ANK1: variants seen among roughly 807,000 people sequenced by gnomAD.
ANK1 encodes ankyrin 1.
In ANK1, 51 loss-of-function variants were observed where a neutral mutation model predicts 210.4. That is an observed-to-expected ratio of 0.24 (90% CI 0.19 to 0.31). The LOEUF is 0.31. Among genes scored for constraint, ANK1 ranks in the 10% least tolerant of loss-of-function variants. The pLI, the probability that ANK1 is intolerant of heterozygous loss-of-function variation, is 1.00. For missense variants in ANK1, 2,051 were observed against 2,504.4 expected (o/e 0.82, Z 3.86); for synonymous variants, 967 against 1,025.9 (o/e 0.94, Z 1.10).
intron 1 of ANK1, among the ~76,000 whole-genome samples, chr8:41,858,572 G>A (rs11989464): frequency 3.4e-4 from 52 of 152,290 alleles, no homozygotes; most frequent in African/African-American, 1.1e-3. Flanking sequence ...GGAACTGCTC[G>A]GACGTGAGCA....
intron 1 of ANK1, among the ~76,000 whole-genome samples, chr8:41,851,102 AT>A (rs1811150496): frequency 6.6e-6 from 1 of 152,202 alleles, no homozygotes; most frequent in Non-Finnish European, 1.5e-5. Context: ...TGACAGTAAG[AT>A]GCCTCCCTAT....
chr8:41,655,281 T>C lies in ANK1; in HGVS notation c.*509A>G. 1 of 171,818 alleles carries C rather than the reference T, an allele frequency of 5.8e-6. No homozygotes were observed. Among genetic ancestry groups the C allele is most frequent in the East Asian group, 1.6e-4 (1 of 6,300 alleles). 10.6% of individuals were successfully genotyped at this position (171,818 alleles called of 1,614,324 possible). ...AGGACATGGCTTAAGATTAAGGTGT[T>C]AAACTGATTTCATGCCTAGTTTTCT... On this transcript the variant is annotated 3_prime_UTR_variant, in exon 43 of 43. Transcript: ENST00000289734.
At chr8:41,751,040 A>G (rs1837584862) in intron 2 of ANK1, among the ~76,000 whole-genome samples, 1 of 152,172 alleles carries the variant, frequency 6.6e-6, no homozygotes, top group Non-Finnish European at 1.5e-5. Flanking sequence ...CAATTGTAGG[A>G]ATTCAGGGGA....
At chr8:41,858,040 C>A (rs1812543974) in intron 1 of ANK1, among the ~76,000 whole-genome samples, 1 of 152,148 alleles carries the variant, frequency 6.6e-6, no homozygotes, top group African/African-American at 2.4e-5. Flanking sequence ...CCATCCTGGA[C>A]AACATAGCAA....
At chr8:41,728,403 A>G (rs1197516197) in intron 3 of ANK1, among the ~76,000 whole-genome samples, 3 of 152,336 alleles carry the variant, frequency 2.0e-5, no homozygotes, top group Admixed American at 6.5e-5. Context: ...GTGGAGAGAC[A>G]CTGAAGACTC....
At chr8:41,779,953 A>G (rs936611803) in intron 1 of ANK1, among the ~76,000 whole-genome samples, 1 of 152,222 alleles carries the variant, frequency 6.6e-6, no homozygotes, top group African/African-American at 2.4e-5. Flanking sequence ...CTGGCTGGGA[A>G]AGCCATGAGA....
chr8:41,811,971 C>T (rs1802564866), intron 1 of ANK1, among the ~76,000 whole-genome samples: 1 of 152,154 alleles, frequency 6.6e-6, no homozygotes, highest in Admixed American at 6.5e-5. Flanking sequence ...GATCCAGCTC[C>T]CTGAGAGTTA....
chr8:41,699,601 C>CT (rs879826583), intron 22 of ANK1, 53 bp from the exon 23 acceptor site: 71 of 1,563,078 alleles, frequency 4.5e-5, no homozygotes, highest in African/African-American at 9.5e-5. Flanking sequence ...AAGAGTCCCT[C>CT]TTTTTTTAAA....
chr8:41,841,385 G>A (rs1436588379), intron 1 of ANK1, among the ~76,000 whole-genome samples: 1 of 152,158 alleles, frequency 6.6e-6, no homozygotes, highest in South Asian at 2.1e-4. Flanking sequence ...GCTGAGTGAG[G>A]GAGAGCTGGG....
chr8:41,699,345 A>G (rs1822012356), intron 23 of ANK1, 107 bp downstream of exon 23: 2 of 1,045,690 alleles, frequency 1.9e-6, no homozygotes, highest in Admixed American at 1.7e-5. Context: ...GCGGGCAGCG[A>G]GCCCAGCGCC....
At chr8:41,849,516 A>C (rs1298670045) in intron 1 of ANK1, among the ~76,000 whole-genome samples, 1 of 36,412 alleles carries the variant, frequency 2.7e-5, no homozygotes, top group Non-Finnish European at 5.5e-5. Context: ...AGAGCGAGAC[A>C]ATGTCCCAAA....
intron 3 of ANK1, among the ~76,000 whole-genome samples, chr8:41,728,246 A>G (rs899350345): frequency 6.6e-6 from 1 of 152,250 alleles, no homozygotes; most frequent in Non-Finnish European, 1.5e-5. Context: ...GCCATAAAAA[A>G]GAAGGAAATC....
At chr8:41,766,798 G>A (rs1841889164) in intron 1 of ANK1, among the ~76,000 whole-genome samples, 1 of 152,232 alleles carries the variant, frequency 6.6e-6, no homozygotes, top group Non-Finnish European at 1.5e-5. Context: ...GCTTGCCAGG[G>A]CGCCCAACAG....
intron 1 of ANK1, among the ~76,000 whole-genome samples, chr8:41,878,117 A>G (rs935207863): frequency 6.6e-6 from 1 of 152,238 alleles, no homozygotes; most frequent in Non-Finnish European, 1.5e-5. Flanking sequence ...TCTCAAACCC[A>G]TTATGCGACT....
intron 1 of ANK1, among the ~76,000 whole-genome samples, chr8:41,853,559 A>C (rs1811643436): frequency 6.6e-6 from 1 of 152,124 alleles, no homozygotes; most frequent in Non-Finnish European, 1.5e-5. Context: ...CCTTTTAAAA[A>C]TCAAATTTAT....
rs1042404162 is a variant in ANK1, at chr8:41,847,715, G to A, written c.126+48640C>T. On this transcript the variant is annotated intron_variant, in intron 1 of 42. Coordinates refer to the ANK1 transcript ENST00000265709. ...GTGCAAAATTAAGACATTACAGAGC[G>A]GCATTCTTGGCCACCGTGCCTTTTA... 7.2e-5 allele frequency among the ~76,000 whole-genome samples: 11 copies of A among 152,174 alleles called. 1 individual carries two copies. The highest frequency in any genetic ancestry group is 2.4e-4 in the African/African-American group (10 of 41,512).
At chr8:41,697,070 C>T (rs1821252426) in intron 24 of ANK1, among the ~76,000 whole-genome samples, 1 of 85,520 alleles carries the variant, frequency 1.2e-5, no homozygotes, top group Middle Eastern at 6.8e-3. Flanking sequence ...GCCCGCTGCA[C>T]CTGCTGCAGA....
intron 1 of ANK1, among the ~76,000 whole-genome samples, chr8:41,787,441 C>T (rs1441349062): frequency 6.6e-6 from 1 of 152,060 alleles, no homozygotes; most frequent in Non-Finnish European, 1.5e-5. Context: ...TAATGGTGAC[C>T]CACCCCCCAA....
chr8:41,724,793 G>A (rs1013487969), intron 6 of ANK1, among the ~76,000 whole-genome samples: 5 of 152,164 alleles, frequency 3.3e-5, no homozygotes, highest in African/African-American at 9.7e-5. Flanking sequence ...CTGTGGGCCC[G>A]TTCGTCAGAG....
Sources: allele counts gnomAD v4.1 joint callset (sites outside exome capture counted in the v4.1 genomes callset), GRCh38; gene constraint gnomAD v4.1.1; transcripts MANE v1.5; gene names NCBI Gene and HGNC (gene_info 2026-07-23, HGNC 2026-07-21).